The following CIMIP2A variants were observed in gnomAD, a reference collection of about 807,000 sequenced individuals.
CIMIP2A encodes the protein family with sequence similarity 166 member A.
chr9:137,245,049 A>C, the CIMIP2A span: 6 of 1,609,718 alleles, frequency 3.7e-6, no homozygotes, highest in South Asian at 5.5e-5. Context: ...CCTTGTGGGG[A>C]GGGGCGGCCT....
the CIMIP2A span, among the ~76,000 whole-genome samples, chr9:137,246,411 G>A: frequency 6.6e-5 from 10 of 152,214 alleles, no homozygotes; most frequent in Admixed American, 1.3e-4. Flanking sequence ...GGTCACAGGC[G>A]GTTCAGCGCC....
chr9:137,244,040 C>G, the CIMIP2A span: 29 of 1,047,276 alleles, frequency 2.8e-5, no homozygotes, highest in Non-Finnish European at 3.7e-5. Context: ...ACAATCCTAC[C>G]CCAACCAAGG....
chr9:137,244,753 G>A, the CIMIP2A span: 5 of 1,610,042 alleles, frequency 3.1e-6, no homozygotes, highest in Non-Finnish European at 3.4e-6. Flanking sequence ...GTAGGCAGAT[G>A]TACGGGCTAC....
chr9:137,252,906 CCCGCTCGCCGGCCTTCTCGATGAG>C, the CIMIP2A span: 1 of 1,598,606 alleles, frequency 6.3e-7, no homozygotes, highest in Non-Finnish European at 8.5e-7. Flanking sequence ...CTGCAGAGCC[CCCGCTCGCCGGCCTTCTCGATGAG>C]CCGCTCCCCT....
the CIMIP2A span, chr9:137,251,035 A>C: frequency 2.0e-6 from 1 of 501,622 alleles, no homozygotes; most frequent in African/African-American, 2.0e-5. Context: ...AGGAGAGGGG[A>C]GAAGGCTGGA....
chr9:137,246,270 G>T, the CIMIP2A span, among the ~76,000 whole-genome samples: 1 of 152,228 alleles, frequency 6.6e-6, no homozygotes, highest in African/African-American at 2.4e-5. Context: ...GGAGGGTGTT[G>T]CGTGGGCTTG....
At chr9:137,244,597 G>C in the CIMIP2A span, 1 of 1,605,306 alleles carries the variant, frequency 6.2e-7, no homozygotes, top group Non-Finnish European at 8.5e-7. Flanking sequence ...AGGAGAGGAA[G>C]TGTGTGTGTG....
the CIMIP2A span, chr9:137,245,912 G>T: frequency 7.3e-7 from 1 of 1,362,972 alleles, no homozygotes; most frequent in South Asian, 1.8e-5. Context: ...GCACTGGGCA[G>T]GGCCCCTTCA....
the CIMIP2A span, among the ~76,000 whole-genome samples, chr9:137,246,926 CTTTTA>C: frequency 7.0e-4 from 106 of 152,162 alleles, no homozygotes; most frequent in Non-Finnish European, 1.3e-3. Flanking sequence ...AGAGGGGTTA[CTTTTA>C]TTTTTTGTTT....
chr9:137,245,046 G>A, the CIMIP2A span: 2 of 1,610,222 alleles, frequency 1.2e-6, no homozygotes, highest in Non-Finnish European at 8.5e-7. Context: ...GAACCTTGTG[G>A]GGAGGGGCGG....
At chr9:137,249,202 G>A in the CIMIP2A span, among the ~76,000 whole-genome samples, 5 of 152,236 alleles carry the variant, frequency 3.3e-5, no homozygotes, top group East Asian at 9.6e-4. Context: ...TAAATATAAG[G>A]GCATAAAGCA....
At chr9:137,252,948 C>G in the CIMIP2A span, 1 of 1,599,102 alleles carries the variant, frequency 6.3e-7, no homozygotes, top group Non-Finnish European at 8.5e-7. Context: ...CCTGCGTTCA[C>G]CTCCTGGCTC....
At chr9:137,254,987 G>T in the CIMIP2A span, among the ~76,000 whole-genome samples, 2 of 152,230 alleles carry the variant, frequency 1.3e-5, no homozygotes, top group African/African-American at 4.8e-5. Flanking sequence ...GAGGGGCGGG[G>T]AGCTCAACCC....
At chr9:137,247,831 C>T in the CIMIP2A span, 1 of 1,006,334 alleles carries the variant, frequency 9.9e-7, no homozygotes, top group South Asian at 1.4e-5. Context: ...TGGGCACCTC[C>T]TGGGCCAGGC....
the CIMIP2A span, chr9:137,251,448 G>T: frequency 5.7e-6 from 8 of 1,395,852 alleles, no homozygotes; most frequent in Non-Finnish European, 8.0e-6. Flanking sequence ...GTGGCCAGGG[G>T]GCTGAGGGAC....
At chr9:137,243,661 C>G in the CIMIP2A span, 1 of 1,614,086 alleles carries the variant, frequency 6.2e-7, no homozygotes, top group Non-Finnish European at 8.5e-7. Flanking sequence ...TTTTCCCTGT[C>G]CACATCCATG....
the CIMIP2A span, chr9:137,247,543 A>T: frequency 2.1e-6 from 2 of 950,582 alleles, no homozygotes; most frequent in Non-Finnish European, 3.2e-6. Context: ...TGTGGCCTTC[A>T]GTTTCCTGGG....
At chr9:137,251,762 G>A in the CIMIP2A span, 4 of 1,578,948 alleles carry the variant, frequency 2.5e-6, no homozygotes, top group Non-Finnish European at 2.6e-6. Context: ...TGCTGTTGTT[G>A]GGCCCGGAGC....
chr9:137,254,734 G>A, the CIMIP2A span, among the ~76,000 whole-genome samples: 2 of 152,048 alleles, frequency 1.3e-5, no homozygotes, highest in Non-Finnish European at 2.9e-5. Context: ...GGGACACTGT[G>A]GAACCTGGAC....
Sources: gnomAD v4.1 joint callset for allele counts (sites outside exome capture counted in the v4.1 genomes callset) on GRCh38, gnomAD v4.1.1 for gene constraint, MANE v1.5 for transcripts, NCBI Gene and HGNC (gene_info 2026-07-23, HGNC 2026-07-21) for gene names.